TARS3: variants seen among roughly 807,000 people sequenced by gnomAD.
The protein encoded by TARS3 is threonine--tRNA ligase 2, cytoplasmic.
In TARS3, 94 loss-of-function variants were observed where a neutral mutation model predicts 103.5. The ratio of observed to expected loss-of-function variants is 0.91; its 90% CI spans 0.77 to 1.08. TARS3 has a LOEUF of 1.08. Ranked by LOEUF, TARS3 falls within the 50% of genes least tolerant of loss-of-function variation. The pLI is 0.00. For missense variants in TARS3, 952 were observed against 995.2 expected (o/e 0.96, Z 0.58); for synonymous variants, 416 against 355.4 (o/e 1.17, Z -1.92).
chr15:101,716,813 A>G (rs568002056), intron 3 of TARS3, among the ~76,000 whole-genome samples: 65 of 151,832 alleles, frequency 4.3e-4, no homozygotes, highest in Non-Finnish European at 8.7e-4. Flanking sequence ...CTGAGTTCTC[A>G]TAATGTTAGG....
intron 12 of TARS3, among the ~76,000 whole-genome samples, chr15:101,681,857 A>C (rs1898267583): frequency 6.6e-6 from 1 of 152,202 alleles, no homozygotes; most frequent in Non-Finnish European, 1.5e-5. Flanking sequence ...AATTCAGTCC[A>C]TAGCAACATA....
Position 101,656,962 on chromosome 15 carries a change from T to C in TARS3, c.2220A>G (p.Lys740=). 1 of 1,613,504 alleles carries C rather than the reference T, an allele frequency of 6.2e-7. No homozygotes were observed. ...ACTGAGCCAGCTGTGCATTTCGTAT[T>C]TTCTTATTTAGTGTACAACTGTGAT... The part of the protein sequence containing the change: ...DLDHSCTLNK[K]IRNAQLAQYN... The change falls in exon 18 of 19, where the codon AAA becomes AAG. Residue 740 remains lysine, a synonymous_variant. Coordinates refer to ENST00000335968, the MANE Select transcript of TARS3 (RefSeq NM_152334.3).
At chr15:101,719,110 G>C (rs1401050685) in intron 3 of TARS3, among the ~76,000 whole-genome samples, 1 of 152,202 alleles carries the variant, frequency 6.6e-6, no homozygotes, top group Non-Finnish European at 1.5e-5. Flanking sequence ...GGATGAACAG[G>C]TGGGCTGACA....
rs773303918 is a variant in TARS3, at chr15:101,661,831, T to C, written c.1968-15A>G. 2 of 1,481,342 alleles carry C rather than the reference T, an allele frequency of 1.4e-6. No homozygotes were observed. The highest frequency in any genetic ancestry group is 2.6e-5 in the South Asian group (2 of 77,060). 91.8% of individuals were successfully genotyped at this position (1,481,342 alleles called of 1,614,324 possible). ...CCCCATCCTTACTAAAAAATGAAAA[T>C]TATACATTTAAGTCTTTTCCTAAGA... On this transcript the variant is annotated splice_polypyrimidine_tract_variant and intron_variant, in intron 15 of 18. Transcript: ENST00000335968.
intron 7 of TARS3, 78 bp downstream of exon 7, chr15:101,705,605 C>A: frequency 1.6e-6 from 2 of 1,250,714 alleles, no homozygotes; most frequent in South Asian, 1.3e-5. Context: ...GATCTCCAAC[C>A]AGAAAACAAA....
At chr15:101,687,481 A>G (rs1898525281) in intron 10 of TARS3, among the ~76,000 whole-genome samples, 1 of 152,136 alleles carries the variant, frequency 6.6e-6, no homozygotes. Flanking sequence ...ATGGTTCCAT[A>G]TATTCAGATT....
intron 5 of TARS3, among the ~76,000 whole-genome samples, chr15:101,710,244 C>T (rs937535172): frequency 1.3e-5 from 2 of 152,138 alleles, no homozygotes; most frequent in African/African-American, 2.4e-5. Context: ...CTCCCACATA[C>T]CTCACCATAA....
At position 101,654,507 on chromosome 15, in the gene TARS3, T is replaced by C. The variant is rs565750345; in HGVS notation, c.*75A>G. On this transcript the variant is annotated 3_prime_UTR_variant, in exon 19 of 19. Coordinates refer to ENST00000335968, the MANE Select transcript of TARS3 (RefSeq NM_152334.3). ...ATCAGTGGCTCCAAAGTCGTAGAAG[T>C]ACTAACATGTTAAGAAAAATACATT... 1.3e-6 allele frequency: 2 copies of C among 1,525,636 alleles called. No individual in the cohort carries two copies. The highest frequency in any genetic ancestry group is 2.3e-5 in the East Asian group (1 of 43,858). 94.5% of individuals were successfully genotyped at this position (1,525,636 alleles called of 1,614,324 possible).
At chr15:101,702,105 C>T (rs779616052) in intron 9 of TARS3, 134 bp downstream of exon 9, 21 of 929,320 alleles carry the variant, frequency 2.3e-5, no homozygotes, top group East Asian at 4.8e-5. Context: ...CACTGAGCAG[C>T]GGACTGTGAG....
At chr15:101,723,648 C>T (rs1260971493) in intron 1 of TARS3, among the ~76,000 whole-genome samples, 2 of 152,088 alleles carry the variant, frequency 1.3e-5, no homozygotes, top group East Asian at 3.8e-4. Flanking sequence ...TCAAGATGAA[C>T]CACCAAAACA....
chr15:101,664,696 T>G (rs1897510225), intron 15 of TARS3, among the ~76,000 whole-genome samples: 1 of 152,178 alleles, frequency 6.6e-6, no homozygotes, highest in Non-Finnish European at 1.5e-5. Flanking sequence ...TAACATAATA[T>G]TCAAGACATT....
intron 5 of TARS3, among the ~76,000 whole-genome samples, chr15:101,709,535 C>T (rs952416638): frequency 2.1e-4 from 32 of 152,212 alleles, no homozygotes; most frequent in Admixed American, 2.1e-3. Context: ...AGGGCTTGCT[C>T]CCTCCCTCCA....
intron 12 of TARS3, 61 bp from the exon 13 acceptor site, chr15:101,675,798 A>T: frequency 6.6e-7 from 1 of 1,526,688 alleles, no homozygotes; most frequent in Admixed American, 1.8e-5. Context: ...GTTTTAAAAA[A>T]TACAATTCTT....
chr15:101,676,234 T>C (rs1262512846), intron 12 of TARS3, among the ~76,000 whole-genome samples: 1 of 152,234 alleles, frequency 6.6e-6, no homozygotes, highest in Non-Finnish European at 1.5e-5. Flanking sequence ...TATGGATTTT[T>C]TAGGCTGAGA....
intron 10 of TARS3, among the ~76,000 whole-genome samples, chr15:101,691,685 G>A (rs1054550590): frequency 2.0e-5 from 3 of 152,168 alleles, no homozygotes; most frequent in Non-Finnish European, 4.4e-5. Flanking sequence ...TGTGTGACAA[G>A]AGCAGTTAAA....
chr15:101,714,726 T>A, intron 4 of TARS3, 114 bp downstream of exon 4: 6 of 910,824 alleles, frequency 6.6e-6, no homozygotes, highest in Non-Finnish European at 9.2e-6. Flanking sequence ...AAATTTTAAA[T>A]CTTAGAAACC....
intron 6 of TARS3, 92 bp from the exon 7 acceptor site, chr15:101,705,839 T>C: frequency 1.9e-6 from 2 of 1,053,150 alleles, no homozygotes; most frequent in Non-Finnish European, 2.8e-6. Flanking sequence ...TGAAAGGTCA[T>C]CTACTGATGT....
At position 101,700,494 on chromosome 15, in the gene TARS3, C is replaced by T. The variant is rs550057399; in HGVS notation, c.1320+592G>A. On this transcript the variant is annotated intron_variant, in intron 10 of 18. Coordinates refer to ENST00000335968, the MANE Select transcript of TARS3 (RefSeq NM_152334.3). ...CCTTTCTTCTTTTTCACAGGGAGTG[C>T]CACACTTAGTCTAATGCTTACCTTT... Among the ~76,000 whole-genome samples the T allele has an allele frequency of 5.9e-5, 9 of 152,242 alleles. No homozygotes were observed. In the South Asian group the frequency reaches 1.0e-3, roughly 18 times the overall value.
chr15:101,722,214 TC>T (rs964429437), intron 2 of TARS3, among the ~76,000 whole-genome samples: 3 of 126,408 alleles, frequency 2.4e-5, no homozygotes, highest in African/African-American at 8.1e-5. Context: ...CGCTGGCATC[TC>T]CCTTTTTTTT....
Sources: gnomAD v4.1 joint callset for allele counts (sites outside exome capture counted in the v4.1 genomes callset) on GRCh38, gnomAD v4.1.1 for gene constraint, MANE v1.5 for transcripts, NCBI Gene and HGNC (gene_info 2026-07-23, HGNC 2026-07-21) for gene names.